Variants in SKAP2 observed in about 807,000 individuals in gnomAD.
The protein encoded by SKAP2 is src kinase associated phosphoprotein 2.
SKAP2 carries 28 observed loss-of-function variants against 54.9 expected under a neutral mutation model. That is an observed-to-expected ratio of 0.51 (90% CI 0.38 to 0.70). The LOEUF (loss-of-function observed/expected upper bound fraction) is 0.70, where lower values mean the gene tolerates loss of function less well. Ranked by LOEUF, SKAP2 falls within the 30% of genes least tolerant of loss-of-function variation. The pLI is 0.00. For synonymous variants in SKAP2, 137 were observed against 134.3 expected (o/e 1.02, Z -0.14); for missense variants, 356 against 424.1 (o/e 0.84, Z 1.41).
chr7:26,722,103 A>C (rs746871958), intron 9 of SKAP2, among the ~76,000 whole-genome samples: 1 of 152,236 alleles, frequency 6.6e-6, no homozygotes, highest in Admixed American at 6.5e-5. Context: ...AAAAGATGTA[A>C]AAGGATTAGG....
chr7:26,806,909 G>A (rs1784040765), intron 4 of SKAP2, among the ~76,000 whole-genome samples: 3 of 152,212 alleles, frequency 2.0e-5, no homozygotes, highest in African/African-American at 7.2e-5. Flanking sequence ...TAACATAAAA[G>A]TGCAAGGAGT....
At chr7:26,715,322 T>C (rs1287481575) in intron 9 of SKAP2, among the ~76,000 whole-genome samples, 1 of 152,072 alleles carries the variant, frequency 6.6e-6, no homozygotes, top group Admixed American at 6.5e-5. Context: ...GTGATTCTAT[T>C]TGGTTCTTTA....
chr7:26,831,938 T>C (rs1784604317), intron 4 of SKAP2, among the ~76,000 whole-genome samples: 1 of 152,154 alleles, frequency 6.6e-6, no homozygotes, highest in Admixed American at 6.5e-5. Context: ...TTTCCACAGT[T>C]CATCAAACTA....
chr7:26,833,325 G>A (rs1784636017), intron 4 of SKAP2, among the ~76,000 whole-genome samples: 1 of 149,234 alleles, frequency 6.7e-6, no homozygotes, highest in Admixed American at 6.9e-5. Context: ...GAACCCAGGA[G>A]GCAGAGCTTG....
intron 3 of SKAP2, among the ~76,000 whole-genome samples, chr7:26,850,557 G>A (rs545404243): frequency 1.3e-5 from 2 of 150,396 alleles, no homozygotes; most frequent in East Asian, 3.9e-4. Flanking sequence ...CTCCACTCCA[G>A]CCTGGATGAC....
At chr7:26,788,428 GA>G (rs199576634) in intron 4 of SKAP2, among the ~76,000 whole-genome samples, 14 of 147,236 alleles carry the variant, frequency 9.5e-5, no homozygotes, top group South Asian at 6.5e-4. Flanking sequence ...CATTCTGAAG[GA>G]AAAAAAAAAC....
At chr7:26,848,313 C>G (rs1784968154) in intron 3 of SKAP2, among the ~76,000 whole-genome samples, 1 of 152,130 alleles carries the variant, frequency 6.6e-6, no homozygotes, top group African/African-American at 2.4e-5. Flanking sequence ...ACAGGTTGAA[C>G]ATCCCTAAAT....
At chr7:26,863,583 T>C (rs775942124) in intron 1 of SKAP2, among the ~76,000 whole-genome samples, 35 of 152,156 alleles carry the variant, frequency 2.3e-4, no homozygotes, top group Admixed American at 4.6e-4. Context: ...AATGAACTAG[T>C]AGTGGATTCA....
intron 4 of SKAP2, among the ~76,000 whole-genome samples, chr7:26,815,725 C>G (rs546567896): frequency 9.2e-5 from 14 of 152,058 alleles, no homozygotes; most frequent in Non-Finnish European, 1.3e-4. Context: ...CTACATTCTT[C>G]CTATGATACC....
At chr7:26,696,317 T>C (rs10248232) in intron 9 of SKAP2, among the ~76,000 whole-genome samples, 12,411 of 152,250 alleles carry the variant, frequency 0.082, 594 homozygotes, top group Middle Eastern at 0.17. Flanking sequence ...TGAAATAGCA[T>C]AGTTAGAGTC....
chr7:26,729,610 G>C (rs1255034176), intron 6 of SKAP2, among the ~76,000 whole-genome samples: 1 of 152,038 alleles, frequency 6.6e-6, no homozygotes, highest in African/African-American at 2.4e-5. Flanking sequence ...CAAAACAAAT[G>C]ATGTATTAGA....
intron 4 of SKAP2, among the ~76,000 whole-genome samples, chr7:26,762,437 C>T (rs1782952608): frequency 6.6e-6 from 1 of 152,154 alleles, no homozygotes; most frequent in African/African-American, 2.4e-5. Context: ...CATATAAACA[C>T]ATACACGTGT....
chr7:26,864,513 C>T lies in SKAP2; in HGVS notation c.-84G>A. On this transcript the variant is annotated 5_prime_UTR_variant, in exon 1 of 13. Transcript: ENST00000345317. ...TGGGGCTGCGGCTGCGACCTAGACT[C>T]AGGCTAGCGGCCCGGATTAAGAACA... 1 of 1,508,366 alleles carries T rather than the reference C, an allele frequency of 6.6e-7. No homozygotes were observed. The highest frequency in any genetic ancestry group is 8.8e-7 in the Non-Finnish European group (1 of 1,129,990). 93.4% of individuals were successfully genotyped at this position (1,508,366 alleles called of 1,614,324 possible). A position where few individuals can be genotyped will look rare whatever the true frequency, so the allele number is the denominator to read the frequency against.
rs950671990 is a variant in SKAP2 at position 26,737,776 on chromosome 7, A to T, written c.469+1019T>A. 2.6e-5 allele frequency among the ~76,000 whole-genome samples: 4 copies of T among 152,210 alleles called. 1 individual carries two copies. The South Asian group carries it at 8.3e-4, about 32-fold the overall frequency. On this transcript the variant is annotated intron_variant, in intron 6 of 12. Coordinates refer to ENST00000345317, the MANE Select transcript of SKAP2 (RefSeq NM_003930.5). ...AACTCAGAAAGCTTACAATCTTTAA[A>T]TTTCATTATTTGGTGGCTTTATTTG...
intron 4 of SKAP2, among the ~76,000 whole-genome samples, chr7:26,842,492 T>C (rs1372706735): frequency 6.6e-6 from 1 of 151,912 alleles, no homozygotes; most frequent in African/African-American, 2.4e-5. Context: ...TGAATTTCTT[T>C]TTAGGTTGCA....
the SKAP2 span, among the ~76,000 whole-genome samples, chr7:26,661,866 G>C: frequency 2.6e-5 from 4 of 152,242 alleles, no homozygotes; most frequent in South Asian, 8.3e-4. Context: ...GGAAAGCCAT[G>C]TTTGACGCTA....
intron 4 of SKAP2, among the ~76,000 whole-genome samples, chr7:26,776,808 CA>C (rs1156732076): frequency 8.5e-5 from 13 of 152,210 alleles, no homozygotes; most frequent in Non-Finnish European, 1.6e-4. Context: ...TAAGATCTTA[CA>C]ATGGCTCCTC....
intron 4 of SKAP2, among the ~76,000 whole-genome samples, chr7:26,777,428 A>T (rs566129173): frequency 1.3e-5 from 2 of 152,312 alleles, no homozygotes; most frequent in South Asian, 4.1e-4. Flanking sequence ...AAAAGTACAC[A>T]TTAATAGTTC....
rs896286316 is a variant in SKAP2, at chr7:26,669,192, A to C, written c.*474T>G. On this transcript the variant is annotated 3_prime_UTR_variant, in exon 13 of 13. Coordinates refer to ENST00000345317, the MANE Select transcript of SKAP2 (RefSeq NM_003930.5). ...CATTCTTTAGCATTCTTTGTTTAGC[A>C]ACCACATTCTTCAGCATCTACCAAA... The C allele has an allele frequency of 6.6e-6, 1 of 152,184 alleles. No individual in the cohort carries two copies. Among genetic ancestry groups the C allele is most frequent in the East Asian group, 1.9e-4 (1 of 5,196 alleles). The allele number at this position is 152,184 out of a possible 1,614,324, so 9.4% of individuals were successfully genotyped here.
Sources: allele counts gnomAD v4.1 joint callset (sites outside exome capture counted in the v4.1 genomes callset), GRCh38; gene constraint gnomAD v4.1.1; transcripts MANE v1.5; gene names NCBI Gene and HGNC (gene_info 2026-07-23, HGNC 2026-07-21).